The following ATP2B1 variants were observed in gnomAD, a reference collection of about 807,000 sequenced individuals.
ATP2B1 encodes plasma membrane calcium-transporting ATPase 1.
Under a neutral mutation model 124.2 loss-of-function variants are expected in ATP2B1, and 14 were observed. The ratio of observed to expected loss-of-function variants is 0.11; its 90% CI spans 0.07 to 0.18. ATP2B1 has a LOEUF of 0.18. Ranked by LOEUF, ATP2B1 falls within the 10% of genes least tolerant of loss-of-function variation. The probability of loss-of-function intolerance (pLI) is 1.00; values close to 1 mark genes in which losing one functional copy is unlikely to be tolerated. For synonymous variants in ATP2B1, 449 were observed against 492.4 expected (o/e 0.91, Z 1.17); for missense variants, 763 against 1,466.1 (o/e 0.52, Z 7.83).
At chr12:89,626,739 G>T (rs894719321) in intron 7 of ATP2B1, 124 bp from the exon 8 acceptor site, 4 of 1,075,276 alleles carry the variant, frequency 3.7e-6, no homozygotes, top group Non-Finnish European at 5.1e-6. Context: ...ATTCAGCTTT[G>T]TGAGTGTGTG....
intron 12 of ATP2B1, among the ~76,000 whole-genome samples, chr12:89,615,320 T>C (rs1398959193): frequency 6.6e-6 from 1 of 152,144 alleles, no homozygotes; most frequent in Admixed American, 6.5e-5. Flanking sequence ...GCACTTGTAA[T>C]TGTCTTATTT....
At chr12:89,655,077 T>C (rs1040280087) in intron 2 of ATP2B1, among the ~76,000 whole-genome samples, 3 of 152,142 alleles carry the variant, frequency 2.0e-5, no homozygotes, top group South Asian at 4.1e-4. Flanking sequence ...CTGCCACAAA[T>C]ACAAATTTAT....
chr12:89,643,651 C>T (rs778599335), intron 2 of ATP2B1, among the ~76,000 whole-genome samples: 2 of 152,210 alleles, frequency 1.3e-5, no homozygotes, highest in Non-Finnish European at 2.9e-5. Context: ...CTTCACCCTA[C>T]CAAGTAAGTC....
rs2136361880 is a variant in ATP2B1, at chr12:89,656,090, A to G, written c.-204T>C. Reference sequence around the variant, plus strand: ...GCCCATGACTAGTTTCTCCATATCAATCATGAGATATACACATCTGTAAGA... The same window carrying G: ...GCCCATGACTAGTTTCTCCATATCAGTCATGAGATATACACATCTGTAAGA... On this transcript the variant is annotated 5_prime_UTR_variant, in exon 2 of 21. Transcript: ENST00000428670. The G allele has an allele frequency of 1.9e-6, 1 of 521,868 alleles. No individual in the cohort carries two copies. The highest frequency in any genetic ancestry group is 3.4e-6 in the Non-Finnish European group (1 of 297,690). The allele number at this position is 521,868 out of a possible 1,614,324, so 32.3% of individuals were successfully genotyped here.
rs367554417 is a variant in ATP2B1, at chr12:89,619,618, TA to T, written c.1829+380del. Among the ~76,000 whole-genome samples, 1,220 of 123,110 alleles carry T rather than the reference TA, an allele frequency of 9.9e-3. 11 individuals carry two copies. Among genetic ancestry groups the T allele is most frequent in the African/African-American group, 0.033 (1,025 of 30,608 alleles). 80.8% of individuals were successfully genotyped at this position (123,110 alleles called of 152,430 possible). A position where few individuals can be genotyped will look rare whatever the true frequency, so the allele number is the denominator to read the frequency against. On this transcript the variant is annotated intron_variant, in intron 11 of 20. Transcript: ENST00000428670. ...ACAGGGAAACTCCACCTTAAACAAA[TA>T]AAAAAAAAAAAAAAAAGAAAGAAAG... is the stretch of plus-strand genomic sequence containing the variant.
rs779585773 is a variant in ATP2B1, at chr12:89,634,948, A to T, written c.662-45T>A. ...ATACTAAACTTATAAACAAGATTACAGTAATTTTATGTTTAGTGTCAGATG... is the reference window on the plus strand; with the variant it reads ...ATACTAAACTTATAAACAAGATTACTGTAATTTTATGTTTAGTGTCAGATG... On this transcript the variant is annotated intron_variant, in intron 4 of 20. Transcript: ENST00000428670. 4 of 1,610,276 alleles carry T rather than the reference A, an allele frequency of 2.5e-6. No individual in the cohort carries two copies. The Admixed American group carries it at 5.0e-5, about 20-fold the overall frequency.
chr12:89,658,598 GGAGAGA>G (rs67298800), intron 1 of ATP2B1, among the ~76,000 whole-genome samples: 8,390 of 69,570 alleles, frequency 0.12, 129 homozygotes, highest in Non-Finnish European at 0.13. Flanking sequence ...AATTCAAACA[GGAGAGA>G]GAGAGAGAGA....
At chr12:89,610,151 A>C in intron 14 of ATP2B1, 108 bp from the exon 15 acceptor site, 1 of 1,024,962 alleles carries the variant, frequency 9.8e-7, no homozygotes, top group Non-Finnish European at 1.4e-6. Context: ...AAAATAAATA[A>C]ACAAATATAA....
At chr12:89,642,592 G>A (rs1883722645) in intron 2 of ATP2B1, among the ~76,000 whole-genome samples, 1 of 151,842 alleles carries the variant, frequency 6.6e-6, no homozygotes, top group Admixed American at 6.6e-5. Flanking sequence ...GCTTAGTTTT[G>A]TTTTTTGTTT....
At chr12:89,601,240 G>A (rs1875780039) in intron 19 of ATP2B1, 86 bp downstream of exon 19, 4 of 944,812 alleles carry the variant, frequency 4.2e-6, no homozygotes, top group Non-Finnish European at 6.5e-6. Context: ...TTAGAATCAA[G>A]TAATGAAACT....
intron 6 of ATP2B1, among the ~76,000 whole-genome samples, chr12:89,630,241 G>C (rs1401369645): frequency 6.6e-6 from 1 of 152,062 alleles, no homozygotes; most frequent in African/African-American, 2.4e-5. Context: ...TCATTTTGCT[G>C]ATCAGATGAT....
At position 89,655,357 on chromosome 12, in the gene ATP2B1, T is replaced by C. The variant is rs60318362; in HGVS notation, c.208+322A>G. Among the ~76,000 whole-genome samples the C allele has an allele frequency of 3.9e-3, 592 of 152,282 alleles. 11 individuals are homozygous for C. The highest frequency in any genetic ancestry group is 0.031 in the East Asian group (162 of 5,172). ...TGAGAGTTTATTTCCACCAAATCCC[T>C]GGGAGGCATCCAAGCCTGGTTCCAT... On this transcript the variant is annotated intron_variant, in intron 2 of 20. Transcript: ENST00000428670.
chr12:89,677,441 T>A (rs551825721), intron 1 of ATP2B1, among the ~76,000 whole-genome samples: 1 of 152,146 alleles, frequency 6.6e-6, no homozygotes, highest in Non-Finnish European at 1.5e-5. Flanking sequence ...AATTCACTAA[T>A]GGCAATATCT....
chr12:89,611,821 A>T (rs1434775261), intron 12 of ATP2B1: 1 of 152,980 alleles, frequency 6.5e-6, no homozygotes, highest in East Asian at 1.9e-4. Flanking sequence ...CATACCTTCA[A>T]TTTCCATCTA....
intron 1 of ATP2B1, among the ~76,000 whole-genome samples, chr12:89,656,994 A>G (rs1886036691): frequency 2.0e-5 from 3 of 152,178 alleles, no homozygotes; most frequent in Non-Finnish European, 4.4e-5. Context: ...CATTACATTT[A>G]TTTCTTCATC....
rs2139554 is a variant in ATP2B1 at position 89,611,729 on chromosome 12, T to G, written c.2068-357A>C. On this transcript the variant is annotated intron_variant, in intron 12 of 20. Coordinates refer to ENST00000428670, the MANE Select transcript of ATP2B1 (RefSeq NM_001366521.1). Reference sequence around the variant, plus strand: ...TTCTGGTTTTACTACCCAGATTACATGAGTAAAATGTTGGTATTCTTTTGT... The same window carrying G: ...TTCTGGTTTTACTACCCAGATTACAGGAGTAAAATGTTGGTATTCTTTTGT... The G allele has an allele frequency of 3.4e-5, 6 of 177,402 alleles. No homozygotes were observed. In the East Asian group the frequency reaches 9.0e-4, roughly 27 times the overall value. 11.0% of individuals were successfully genotyped at this position (177,402 alleles called of 1,614,324 possible).
intron 8 of ATP2B1, 25 bp downstream of exon 8, chr12:89,626,429 C>G: frequency 6.4e-7 from 1 of 1,560,564 alleles, no homozygotes; most frequent in Non-Finnish European, 8.6e-7. Context: ...AAATAAAACA[C>G]TTTATTTTCT....
chr12:89,646,912 G>C (rs995825137), intron 2 of ATP2B1, among the ~76,000 whole-genome samples: 1 of 152,164 alleles, frequency 6.6e-6, no homozygotes, highest in Non-Finnish European at 1.5e-5. Flanking sequence ...CAACACTGAT[G>C]ATACAGGAGA....
chr12:89,695,637 C>T (rs1054332599), intron 1 of ATP2B1, among the ~76,000 whole-genome samples: 1 of 151,766 alleles, frequency 6.6e-6, no homozygotes, highest in Non-Finnish European at 1.5e-5. Flanking sequence ...GAAGTTTTCT[C>T]CTCTATTAAA....
Sources: allele counts gnomAD v4.1 joint callset (sites outside exome capture counted in the v4.1 genomes callset), GRCh38; gene constraint gnomAD v4.1.1; transcripts MANE v1.5; gene names NCBI Gene and HGNC (gene_info 2026-07-23, HGNC 2026-07-21).